Variants in NCEH1 observed in about 807,000 individuals in gnomAD.
NCEH1 encodes the protein 2-acetyl MAGE hydrolase.
A neutral mutation model predicts 25.4 loss-of-function variants in NCEH1; 9 were observed. The ratio of observed to expected loss-of-function variants is 0.35; its 90% CI spans 0.21 to 0.62. The LOEUF is 0.62. Among genes scored for constraint, NCEH1 ranks in the 20% least tolerant of loss-of-function variants. The probability of loss-of-function intolerance (pLI) is 0.72; values close to 1 mark genes in which losing one functional copy is unlikely to be tolerated. For synonymous variants in NCEH1, 200 were observed against 199.8 expected (o/e 1.00, Z -0.01); for missense variants, 412 against 501.1 (o/e 0.82, Z 1.70).
chr3:172,710,865 G>A lies in NCEH1; in HGVS notation c.120C>T (p.Phe40=). The A allele has an allele frequency of 6.2e-7, 1 of 1,614,104 alleles. No homozygotes were observed. The highest frequency in any genetic ancestry group is 1.1e-5 in the South Asian group (1 of 91,078). ...PWKLMLLDAT[F]RGAQQVSNLI... ...ACCTCACCACTTGCTGTGCACCCCG[G>A]AAAGTGGCGTCCAGCAGCATCAGCT... The change falls in exon 1 of 5, where the codon TTC becomes TTT. Residue 40 remains phenylalanine, a synonymous_variant. Transcript: ENST00000475381.
intron 1 of NCEH1, among the ~76,000 whole-genome samples, chr3:172,708,078 T>C (rs1231251822): frequency 6.6e-6 from 1 of 152,194 alleles, no homozygotes; most frequent in Non-Finnish European, 1.5e-5. Context: ...TCTTAAGGAA[T>C]ATGGGGAACC....
chr3:172,703,521 C>CT (rs1198260986), intron 1 of NCEH1, among the ~76,000 whole-genome samples: 1 of 103,636 alleles, frequency 9.6e-6, no homozygotes, highest in African/African-American at 4.6e-5. Flanking sequence ...GAGCAAGACT[C>CT]TGTCTCAAAA....
At chr3:172,655,201 A>G (rs558542720) in intron 1 of NCEH1, among the ~76,000 whole-genome samples, 1 of 152,344 alleles carries the variant, frequency 6.6e-6, no homozygotes, top group Non-Finnish European at 1.5e-5. Context: ...TGTGAGCTGC[A>G]AATTACCCTG....
At chr3:172,655,568 C>A (rs1458126100) in intron 1 of NCEH1, among the ~76,000 whole-genome samples, 1 of 152,210 alleles carries the variant, frequency 6.6e-6, no homozygotes, top group Non-Finnish European at 1.5e-5. Flanking sequence ...GGGCGGTGTT[C>A]ACGCTTTAGT....
chr3:172,688,718 C>T (rs1054840346), intron 1 of NCEH1, among the ~76,000 whole-genome samples: 3 of 152,096 alleles, frequency 2.0e-5, no homozygotes, highest in East Asian at 3.8e-4. Context: ...ACTCAAATAC[C>T]AGGAAGTAGG....
chr3:172,680,044 C>T (rs1421348380), intron 1 of NCEH1, among the ~76,000 whole-genome samples: 2 of 152,166 alleles, frequency 1.3e-5, no homozygotes, highest in Non-Finnish European at 2.9e-5. Flanking sequence ...CAAAAACTGG[C>T]AGCATCTGAA....
At chr3:172,660,988 T>C (rs1717946898) in intron 1 of NCEH1, among the ~76,000 whole-genome samples, 1 of 152,208 alleles carries the variant, frequency 6.6e-6, no homozygotes, top group Non-Finnish European at 1.5e-5. Context: ...TAGATCCCAT[T>C]TGTCTATTTT....
intron 3 of NCEH1, among the ~76,000 whole-genome samples, chr3:172,642,604 A>C (rs1164176462): frequency 3.8e-5 from 2 of 53,330 alleles, no homozygotes; most frequent in Non-Finnish European, 8.9e-5. Flanking sequence ...CTATTTCTAC[A>C]AAAAAAAAAA....
chr3:172,686,448 T>C (rs1203293000), intron 1 of NCEH1, among the ~76,000 whole-genome samples: 3 of 152,262 alleles, frequency 2.0e-5, no homozygotes, highest in African/African-American at 7.2e-5. Flanking sequence ...TGTGTATTTC[T>C]GTGGGGGACA....
chr3:172,657,440 T>C (rs1717746646), intron 1 of NCEH1, among the ~76,000 whole-genome samples: 4 of 152,154 alleles, frequency 2.6e-5, no homozygotes, highest in African/African-American at 9.7e-5. Context: ...CTCAGCTTCT[T>C]CTCTCACATG....
At chr3:172,674,144 A>G (rs950049882) in intron 1 of NCEH1, among the ~76,000 whole-genome samples, 1 of 152,196 alleles carries the variant, frequency 6.6e-6, no homozygotes, top group Non-Finnish European at 1.5e-5. Flanking sequence ...TGAAAATTAT[A>G]AAAGATAAGT....
chr3:172,640,069 T>C (rs994441960), intron 3 of NCEH1, among the ~76,000 whole-genome samples: 2 of 152,156 alleles, frequency 1.3e-5, no homozygotes, highest in African/African-American at 4.8e-5. Flanking sequence ...TTCCTCAAAA[T>C]AACCTAACCT....
At chr3:172,707,584 TTTA>T (rs1369461957) in intron 1 of NCEH1, among the ~76,000 whole-genome samples, 4 of 152,114 alleles carry the variant, frequency 2.6e-5, no homozygotes, top group African/African-American at 7.2e-5. Flanking sequence ...GTTTTTTATT[TTTA>T]TTATTATTAT....
chr3:172,644,963 G>C (rs1717048699), intron 3 of NCEH1, among the ~76,000 whole-genome samples: 1 of 152,192 alleles, frequency 6.6e-6, no homozygotes, highest in Non-Finnish European at 1.5e-5. Flanking sequence ...GCTTGGCTGA[G>C]AGGATGGTAT....
chr3:172,694,378 A>ATATGTGTGTGTGTGTG (rs1553839159), intron 1 of NCEH1, among the ~76,000 whole-genome samples: 1 of 151,236 alleles, frequency 6.6e-6, no homozygotes, highest in Non-Finnish European at 1.5e-5. Flanking sequence ...AGTTATATAT[A>ATATGTGTGTGTGTGTG]TGTGTGTGTG....
chr3:172,686,115 T>G (rs934519041), intron 1 of NCEH1, among the ~76,000 whole-genome samples: 9 of 152,224 alleles, frequency 5.9e-5, no homozygotes, highest in Admixed American at 2.0e-4. Context: ...TTTACTTAAC[T>G]CTGCTTAAAC....
At chr3:172,656,911 C>G (rs192730605) in intron 1 of NCEH1, among the ~76,000 whole-genome samples, 39 of 152,298 alleles carry the variant, frequency 2.6e-4, no homozygotes, top group African/African-American at 7.2e-4. Context: ...TGCCAATGAC[C>G]CACTTGGCCT....
chr3:172,701,466 T>TTA (rs1159407444), intron 1 of NCEH1, among the ~76,000 whole-genome samples: 1 of 143,590 alleles, frequency 7.0e-6, no homozygotes, highest in Non-Finnish European at 1.5e-5. Flanking sequence ...TTTTTTTTTT[T>TTA]AAAGACGGAG....
chr3:172,710,241 C>T (rs1714221249), intron 1 of NCEH1, among the ~76,000 whole-genome samples: 1 of 152,234 alleles, frequency 6.6e-6, no homozygotes, highest in African/African-American at 2.4e-5. Context: ...AGCCCAGCCT[C>T]CCAGTCCTCT....
Sources: gnomAD v4.1 joint callset for allele counts (sites outside exome capture counted in the v4.1 genomes callset) on GRCh38, gnomAD v4.1.1 for gene constraint, MANE v1.5 for transcripts, NCBI Gene and HGNC (gene_info 2026-07-23, HGNC 2026-07-21) for gene names.